The following ADCY9 variants were observed in gnomAD, a reference collection of about 807,000 sequenced individuals.
ADCY9 encodes the protein adenylate cyclase type 9.
A neutral mutation model predicts 101.5 loss-of-function variants in ADCY9; 50 were observed. The observed-to-expected ratio is 0.49, with a 90% CI of 0.39 to 0.62. The LOEUF is 0.62. Among genes scored for constraint, ADCY9 ranks in the 20% least tolerant of loss-of-function variants. The pLI is 0.00. For synonymous variants in ADCY9, 905 were observed against 769.3 expected (o/e 1.18, Z -2.92); for missense variants, 1,662 against 1,800.4 (o/e 0.92, Z 1.39).
intron 6 of ADCY9, among the ~76,000 whole-genome samples, chr16:3,985,102 T>C (rs1020433221): frequency 6.6e-6 from 1 of 151,278 alleles, no homozygotes; most frequent in African/African-American, 2.4e-5. Context: ...CCTCAGAAGG[T>C]GTGGGAATTT....
chr16:4,033,284 C>T (rs538048178), intron 2 of ADCY9, among the ~76,000 whole-genome samples: 7 of 152,222 alleles, frequency 4.6e-5, no homozygotes, highest in East Asian at 1.9e-4. Context: ...TTATTTATAA[C>T]GGCTTGGAAT....
chr16:3,982,076 G>C (rs1415947886), intron 7 of ADCY9: 1 of 152,688 alleles, frequency 6.5e-6, no homozygotes, highest in Admixed American at 6.5e-5. Context: ...GCCAGGAAGA[G>C]GGCTGCTCGC....
chr16:4,025,655 T>C (rs2601820), intron 2 of ADCY9, among the ~76,000 whole-genome samples: 144,576 of 152,232 alleles, frequency 0.95, 69,062 homozygotes, highest in East Asian at 1. Flanking sequence ...GGAGGTCCTG[T>C]GCCATGTCCT....
intron 2 of ADCY9, among the ~76,000 whole-genome samples, chr16:4,057,954 T>C (rs961790880): frequency 2.0e-5 from 3 of 151,490 alleles, no homozygotes; most frequent in African/African-American, 7.3e-5. Flanking sequence ...AGGTCAAGAG[T>C]TCGAGACCAG....
intron 6 of ADCY9, among the ~76,000 whole-genome samples, chr16:3,984,784 C>A (rs776448626): frequency 6.6e-6 from 1 of 152,220 alleles, no homozygotes; most frequent in Non-Finnish European, 1.5e-5. Context: ...CTCAGCATCC[C>A]GGCCAGGCTC....
At chr16:3,961,602 G>C (rs113222045), downstream of ADCY9, among the ~76,000 whole-genome samples, 473 of 152,210 alleles carry the variant, frequency 3.1e-3, 9 homozygotes, top group African/African-American at 0.011. Context: ...CATTGGCCCC[G>C]GGCTCCAGCA....
chr16:4,034,803 TG>T (rs2056578758), intron 2 of ADCY9, among the ~76,000 whole-genome samples: 1 of 152,228 alleles, frequency 6.6e-6, no homozygotes, highest in Non-Finnish European at 1.5e-5. Flanking sequence ...AACATAAGGC[TG>T]GTAGCTGACA....
chr16:4,039,493 A>G (rs2056612373), intron 2 of ADCY9, among the ~76,000 whole-genome samples: 1 of 151,598 alleles, frequency 6.6e-6, no homozygotes, highest in Non-Finnish European at 1.5e-5. Context: ...AGCCTGACCA[A>G]TAAGATGAAA....
chr16:3,963,139 T>C lies in ADCY9; in HGVS notation c.*2636A>G, dbSNP rs1262884914. On this transcript the variant is annotated 3_prime_UTR_variant, in exon 11 of 11. Transcript: ENST00000294016. ...ATATATATATATATATATATATATA[T>C]ATATGGATATATAATTCGATCTGAG... 6.0e-6 allele frequency: 1 copy of C among 167,944 alleles called. No homozygotes were observed. Among genetic ancestry groups the C allele is most frequent in the African/African-American group, 2.7e-5 (1 of 37,414 alleles). 10.4% of individuals were successfully genotyped at this position (167,944 alleles called of 1,614,324 possible).
At chr16:4,101,445 A>C (rs986555287) in intron 2 of ADCY9, among the ~76,000 whole-genome samples, 1 of 151,980 alleles carries the variant, frequency 6.6e-6, no homozygotes, top group African/African-American at 2.4e-5. Flanking sequence ...ATGCACGGCT[A>C]ATTATTTATT....
chr16:4,024,488 GA>G (rs2056500536), intron 2 of ADCY9, among the ~76,000 whole-genome samples: 1 of 152,136 alleles, frequency 6.6e-6, no homozygotes, highest in Admixed American at 6.5e-5. Flanking sequence ...TTAACTAGAC[GA>G]TGAACTTGAT....
rs757489326 is a variant in ADCY9, at chr16:3,966,374, T to C, written c.3463A>G (p.Asn1155Asp). 1 of 1,614,060 alleles carries C rather than the reference T, an allele frequency of 6.2e-7. No homozygotes were observed. Among genetic ancestry groups the C allele is most frequent in the Non-Finnish European group, 8.5e-7 (1 of 1,180,028 alleles). Residue 1155 changes from asparagine to aspartate, a missense_variant, in exon 11 of 11, where the codon AAC becomes GAC. This residue lies in a region of ADCY9 where 220 missense variants were observed against 312.9 expected (regional missense o/e 0.70). Coordinates refer to ENST00000294016, the MANE Select transcript of ADCY9 (RefSeq NM_001116.4). ...AGCTTGAAGTTGAACCACAGCATGT[T>C]GTTGTTGAAGTCGTCCACCACGCGC... Reference protein sequence around the residue: ...MMRVVDDFNNNMLWFNFKLRV... With the variant: ...MMRVVDDFNNDMLWFNFKLRV...
chr16:4,065,016 C>G (rs2056792712), intron 2 of ADCY9, among the ~76,000 whole-genome samples: 2 of 152,164 alleles, frequency 1.3e-5, no homozygotes, highest in Admixed American at 1.3e-4. Flanking sequence ...AGTGAAAGGT[C>G]ATAGGCATTC....
intron 2 of ADCY9, among the ~76,000 whole-genome samples, chr16:4,101,998 T>G (rs437187): frequency 0.9 from 136,440 of 152,146 alleles, 61,314 homozygotes; most frequent in East Asian, 1. Flanking sequence ...GCCCTTTTTA[T>G]TACGAGAAAC....
chr16:4,095,457 C>T (rs996810007), intron 2 of ADCY9, among the ~76,000 whole-genome samples: 3 of 152,132 alleles, frequency 2.0e-5, no homozygotes, highest in Non-Finnish European at 4.4e-5. Flanking sequence ...CAAGTCCTTC[C>T]TCAACAGAAT....
rs57326989 is a variant in ADCY9 at position 3,963,097 on chromosome 16, CATATATATATATATATATATATATAT to C, written c.*2652_*2677del. The C allele has an allele frequency of 5.9e-3, 720 of 121,762 alleles. 9 individuals carry two copies. Among genetic ancestry groups the C allele is most frequent in the Middle Eastern group, 0.02 (5 of 250 alleles). The allele number at this position is 121,762 out of a possible 1,614,324, so 7.5% of individuals were successfully genotyped here. On this transcript the variant is annotated 3_prime_UTR_variant, in exon 11 of 11. Coordinates refer to ENST00000294016, the MANE Select transcript of ADCY9 (RefSeq NM_001116.4). The stretch of plus-strand genomic sequence containing the variant: ...GATAAAATTGTGTGTGCTTGTTTAC[CATATATATATATATATATATATATAT>C]ATATATATATATATATATATGGATA...
In ADCY9 at chr16:3,965,676, G is replaced by A. The variant is rs749129549; in HGVS notation, c.*99C>T. On this transcript the variant is annotated 3_prime_UTR_variant, in exon 11 of 11. Coordinates refer to ENST00000294016, the MANE Select transcript of ADCY9 (RefSeq NM_001116.4). ...GAAATGACCACATAACACCACGTCC[G>A]GGGAGGGCAACTGTGGCGCTTGGAA... The A allele has an allele frequency of 6.1e-5, 68 of 1,114,512 alleles. No individual in the cohort carries two copies. Among genetic ancestry groups the A allele is most frequent in the East Asian group, 1.9e-4 (8 of 41,608 alleles). The allele number at this position is 1,114,512 out of a possible 1,614,324, so 69.0% of individuals were successfully genotyped here.
At chr16:4,077,457 T>A (rs975458570) in intron 2 of ADCY9, among the ~76,000 whole-genome samples, 3 of 152,134 alleles carry the variant, frequency 2.0e-5, no homozygotes, top group Admixed American at 2.0e-4. Flanking sequence ...CTCTTTATTA[T>A]GATTATTTCC....
chr16:3,982,834 A>G (rs988949011), intron 7 of ADCY9: 21 of 199,036 alleles, frequency 1.1e-4, no homozygotes, highest in Admixed American at 3.3e-4. Context: ...AAGTGCGTGG[A>G]GATGCTGTTT....
Sources: gnomAD v4.1 joint callset for allele counts (sites outside exome capture counted in the v4.1 genomes callset) on GRCh38, gnomAD v4.1.1 for gene constraint, gnomAD v4.1.1 regional missense constraint, MANE v1.5 for transcripts, NCBI Gene and HGNC (gene_info 2026-07-23, HGNC 2026-07-21) for gene names.